PDXDC1: variants seen among roughly 807,000 people sequenced by gnomAD.
The protein encoded by PDXDC1 is pyridoxal-dependent decarboxylase domain-containing protein 1.
A neutral mutation model predicts 100.1 loss-of-function variants in PDXDC1; 42 were observed. That is an observed-to-expected ratio of 0.42 (90% CI 0.33 to 0.54). PDXDC1 has a LOEUF of 0.54. Ranked by LOEUF, PDXDC1 falls within the 20% of genes least tolerant of loss-of-function variation. PDXDC1 has a pLI of 0.10. For missense variants in PDXDC1, 636 were observed against 979.2 expected, an observed-to-expected ratio of 0.65 and a Z score of 4.68; for synonymous variants, 260 against 371.7, an observed-to-expected ratio of 0.70 and a Z score of 3.46.
At chr16:15,052,572 C>T (rs1000685994) in intron 16 of PDXDC1, among the ~76,000 whole-genome samples, 2 of 152,214 alleles carry the variant, frequency 1.3e-5, no homozygotes, top group Admixed American at 1.3e-4. Flanking sequence ...CACTGGCTCA[C>T]GCCTGTAATC....
intron 14 of PDXDC1, among the ~76,000 whole-genome samples, chr16:15,028,464 A>T (rs1416218059): frequency 6.6e-6 from 1 of 152,294 alleles, no homozygotes; most frequent in African/African-American, 2.4e-5. Flanking sequence ...AAGCTCCAAG[A>T]TGACAGAAAC....
At chr16:14,993,426 AATG>A (rs1971298329) in intron 1 of PDXDC1, among the ~76,000 whole-genome samples, 1 of 152,238 alleles carries the variant, frequency 6.6e-6, no homozygotes, top group Admixed American at 6.5e-5. Context: ...GTTTGCTGAG[AATG>A]ATGGTTTCAA....
chr16:15,073,121 A>G (rs1262871028), intron 16 of PDXDC1: 5 of 1,596,490 alleles, frequency 3.1e-6, no homozygotes, highest in Non-Finnish European at 4.3e-6. Flanking sequence ...ATAAAGACAT[A>G]TTTTCAAGTT....
At chr16:15,127,332 A>T (rs1335889480) in intron 16 of PDXDC1, 1 of 680,494 alleles carries the variant, frequency 1.5e-6, no homozygotes, top group African/African-American at 1.8e-5. Flanking sequence ...AGGCTGCTCA[A>T]GTGTGTTGAC....
chr16:15,132,698 G>A lies in PDXDC1; in HGVS notation c.1400-6181G>A, dbSNP rs1356939637. 3.6e-6 allele frequency: 3 copies of A among 844,768 alleles called. No homozygotes were observed. In the East Asian group the frequency reaches 7.7e-5, roughly 22 times the overall value. 52.3% of individuals were successfully genotyped at this position (844,768 alleles called of 1,614,324 possible). A position where few individuals can be genotyped will look rare whatever the true frequency, so the allele number is the denominator to read the frequency against. On this transcript the variant is annotated intron_variant, in intron 16 of 16. Coordinates refer to the PDXDC1 transcript ENST00000535621. The stretch of plus-strand genomic sequence containing the variant: ...TACCCTGGCAGGCATGCGGGGCGGG[G>A]TGAGCATGTGGGGCCATCCTACCAT...
At chr16:14,994,550 G>C (rs1971550338) in intron 1 of PDXDC1, among the ~76,000 whole-genome samples, 1 of 152,298 alleles carries the variant, frequency 6.6e-6, no homozygotes, top group African/African-American at 2.4e-5. Flanking sequence ...TAGCCTTGTA[G>C]TATAGTTTGA....
intron 16 of PDXDC1, among the ~76,000 whole-genome samples, chr16:15,119,430 T>C (rs992327392): frequency 1.9e-4 from 28 of 149,546 alleles, no homozygotes; most frequent in South Asian, 1.3e-3. Flanking sequence ...TTTTTTTTTT[T>C]TGAGACAGAG....
intron 16 of PDXDC1, among the ~76,000 whole-genome samples, chr16:15,093,393 C>G (rs575718131): frequency 6.6e-6 from 1 of 152,322 alleles, no homozygotes; most frequent in South Asian, 2.1e-4. Context: ...CCTTCTCCCT[C>G]CCCCATTACC....
chr16:15,147,078 G>C, the PDXDC1 span, among the ~76,000 whole-genome samples: 3 of 146,216 alleles, frequency 2.1e-5, no homozygotes, highest in Admixed American at 1.3e-4. Context: ...GGATGAGCCA[G>C]GGAGGGAGAG....
intron 16 of PDXDC1, among the ~76,000 whole-genome samples, chr16:15,087,997 C>T (rs1288667390): frequency 6.6e-6 from 1 of 152,022 alleles, no homozygotes; most frequent in African/African-American, 2.4e-5. Context: ...GCCCGTAATC[C>T]CAGCTACTCG....
chr16:15,055,974 CG>C, intron 16 of PDXDC1: 1 of 1,220,242 alleles, frequency 8.2e-7, no homozygotes, highest in South Asian at 4.1e-5. Context: ...AGCGGCATCG[CG>C]GAGGCGGCCG....
chr16:15,016,301 A>G (rs557188604), intron 9 of PDXDC1, 88 bp downstream of exon 9: 2 of 1,551,834 alleles, frequency 1.3e-6, no homozygotes, highest in South Asian at 1.3e-5. Context: ...CTTTGGTGAC[A>G]TTTATCACGA....
intron 16 of PDXDC1, among the ~76,000 whole-genome samples, chr16:15,050,426 C>T (rs1481389801): frequency 1.3e-5 from 2 of 152,078 alleles, no homozygotes; most frequent in Admixed American, 1.3e-4. Context: ...TTTAGGTTAG[C>T]GCTCACTTAA....
At chr16:14,988,247 C>G in intron 1 of PDXDC1, 1 of 1,613,656 alleles carries the variant, frequency 6.2e-7, no homozygotes, top group South Asian at 1.1e-5. Context: ...GAAAGCAGGA[C>G]TGTTAGTTCA....
chr16:15,139,673 CG>C (rs1263315048), downstream of PDXDC1, among the ~76,000 whole-genome samples: 3 of 151,884 alleles, frequency 2.0e-5, no homozygotes, highest in East Asian at 3.9e-4. Context: ...TCCAACTACT[CG>C]GGGGGCTGAG....
intron 16 of PDXDC1, chr16:15,056,001 G>A (rs1310940224): frequency 5.1e-6 from 6 of 1,169,228 alleles, no homozygotes; most frequent in Non-Finnish European, 5.3e-6. Context: ...GCAGGCCCAG[G>A]GAGGCGGCGG....
chr16:15,097,486 A>G (rs1307011229), intron 16 of PDXDC1, among the ~76,000 whole-genome samples: 1 of 148,242 alleles, frequency 6.7e-6, no homozygotes, highest in Non-Finnish European at 1.5e-5. Flanking sequence ...AAAAAAAAAA[A>G]AAAAAATGTG....
downstream of PDXDC1, among the ~76,000 whole-genome samples, chr16:15,141,658 C>T (rs531530630): frequency 2.0e-5 from 3 of 152,332 alleles, no homozygotes; most frequent in East Asian, 5.8e-4. Context: ...CCCTCCTCTA[C>T]ACCAAGGTAG....
chr16:15,051,635 C>CCA (rs1338302657), intron 16 of PDXDC1, among the ~76,000 whole-genome samples: 1 of 152,108 alleles, frequency 6.6e-6, no homozygotes, highest in African/African-American at 2.4e-5. Context: ...CAGGCGCACG[C>CCA]CACCACACTT....
Sources: gnomAD v4.1 joint callset for allele counts (sites outside exome capture counted in the v4.1 genomes callset) on GRCh38, gnomAD v4.1.1 for gene constraint, MANE v1.5 for transcripts, NCBI Gene and HGNC (gene_info 2026-07-23, HGNC 2026-07-21) for gene names.